The following DST variants were observed in gnomAD, a reference collection of about 807,000 sequenced individuals.
DST encodes dystonin, also known as bullous pemphigoid antigen.
A neutral mutation model predicts 875.2 loss-of-function variants in DST; 253 were observed. That is an observed-to-expected ratio of 0.29 (90% CI 0.26 to 0.32). The LOEUF (loss-of-function observed/expected upper bound fraction) is 0.32. Among genes scored for constraint, DST ranks in the 10% least tolerant of loss-of-function variants. The probability of loss-of-function intolerance (pLI) is 1.00; values close to 1 mark genes in which losing one functional copy is unlikely to be tolerated. For missense variants in DST, 8,287 were observed against 9,111.6 expected, an observed-to-expected ratio of 0.91 and a Z score of 3.68; for synonymous variants, 3,124 against 3,197.1, an observed-to-expected ratio of 0.98 and a Z score of 0.77.
intron 13 of DST, among the ~76,000 whole-genome samples, chr6:56,647,789 G>T (rs566446452): frequency 6.6e-6 from 1 of 151,570 alleles, no homozygotes; most frequent in African/African-American, 2.4e-5. Flanking sequence ...AGGTTCAAGC[G>T]ATTCTCCTGC....
chr6:56,567,156 A>G (rs2097693142), intron 55 of DST, among the ~76,000 whole-genome samples: 2 of 152,248 alleles, frequency 1.3e-5, no homozygotes, highest in Admixed American at 1.3e-4. Flanking sequence ...CTTTTATTAC[A>G]TAACAATCTA....
chr6:56,776,603 C>G (rs923609050), intron 4 of DST, among the ~76,000 whole-genome samples: 2 of 152,034 alleles, frequency 1.3e-5, no homozygotes, highest in African/African-American at 2.4e-5. Context: ...CTATTTAATA[C>G]TATTGTAAAA....
chr6:56,636,442 GTA>G, intron 23 of DST, 113 bp downstream of exon 23: 1 of 756,124 alleles, frequency 1.3e-6, no homozygotes, highest in Non-Finnish European at 2.3e-6. Flanking sequence ...ATATATGTGT[GTA>G]TATATATACA....
At chr6:56,659,112 A>C (rs920436669) in intron 10 of DST, among the ~76,000 whole-genome samples, 3 of 152,236 alleles carry the variant, frequency 2.0e-5, no homozygotes, top group Non-Finnish European at 4.4e-5. Flanking sequence ...TGGACAGAGA[A>C]AAAAATTTAA....
intron 89 of DST, 32 bp downstream of exon 89, chr6:56,482,651 T>C (rs764297195): frequency 5.0e-6 from 8 of 1,592,774 alleles, no homozygotes; most frequent in African/African-American, 4.0e-5. Flanking sequence ...ACTTTTCCCA[T>C]TACACCCAGC....
chr6:56,716,443 T>C (rs1339681521), intron 5 of DST, among the ~76,000 whole-genome samples: 1 of 152,218 alleles, frequency 6.6e-6, no homozygotes, highest in Non-Finnish European at 1.5e-5. Context: ...GATAAAATCA[T>C]GGCAGTAAAT....
chr6:56,748,390 C>T (rs1045140590), intron 4 of DST, among the ~76,000 whole-genome samples: 2 of 152,130 alleles, frequency 1.3e-5, no homozygotes, highest in Middle Eastern at 3.2e-3. Context: ...GCAATTTCAG[C>T]TTGGGAAAAT....
intron 4 of DST, among the ~76,000 whole-genome samples, chr6:56,753,159 G>A (rs764359502): frequency 2.6e-5 from 4 of 152,118 alleles, no homozygotes; most frequent in Non-Finnish European, 4.4e-5. Context: ...GTGATATGGC[G>A]AGTATAAGGT....
chr6:56,788,261 G>A (rs1289785368), intron 4 of DST, among the ~76,000 whole-genome samples: 3 of 149,958 alleles, frequency 2.0e-5, no homozygotes, highest in East Asian at 2.0e-4. Context: ...AGAGTGCAGC[G>A]GCACGATCTC....
intron 49 of DST, among the ~76,000 whole-genome samples, chr6:56,586,735 G>T (rs930049178): frequency 6.6e-6 from 1 of 152,260 alleles, no homozygotes; most frequent in South Asian, 2.1e-4. Context: ...TGATCAGACA[G>T]CAGCATTCGC....
intron 10 of DST, among the ~76,000 whole-genome samples, chr6:56,665,617 T>C (rs1252809947): frequency 1.3e-5 from 2 of 152,090 alleles, no homozygotes; most frequent in Admixed American, 6.6e-5. Context: ...TATGAGTTAC[T>C]CTTTGAGCCT....
chr6:56,571,432 T>C (rs984871231), intron 53 of DST, among the ~76,000 whole-genome samples: 4 of 152,190 alleles, frequency 2.6e-5, no homozygotes, highest in Non-Finnish European at 4.4e-5. Context: ...AGGTAGAGAA[T>C]TCTGAAGAAA....
chr6:56,901,600 T>A (rs1346960892), intron 2 of DST, among the ~76,000 whole-genome samples: 1 of 151,594 alleles, frequency 6.6e-6, no homozygotes, highest in Non-Finnish European at 1.5e-5. Flanking sequence ...ATCTAAAAAA[T>A]AAAATAAAAT....
rs775373653 is a variant in DST, at chr6:56,608,949, T to C, written c.5679A>G (p.Leu1893=). 6.2e-7 allele frequency: 1 copy of C among 1,613,816 alleles called. No homozygotes were observed. The highest frequency in any genetic ancestry group is 1.1e-5 in the South Asian group (1 of 91,080). ...VIPATGEQLT[L]QKAFQQNLVS... ...CCAAGTTCTGTTGGAAAGCCTTCTG[T>C]AGGGTCAACTGTTCTCCTGTGGCTG... The change falls in exon 40 of 104, where the codon CTA becomes CTG. Residue 1893 remains leucine, a synonymous_variant. Transcript: ENST00000680361.
At chr6:56,625,384 C>A (rs2098724084) in intron 34 of DST, 120 bp from the exon 35 acceptor site, 1 of 713,838 alleles carries the variant, frequency 1.4e-6, no homozygotes, top group Non-Finnish European at 2.5e-6. Flanking sequence ...AGTGATTTGA[C>A]ACAGATCATT....
At chr6:56,498,180 ATT>A in intron 80 of DST, 127 bp from the exon 81 acceptor site, 1 of 943,758 alleles carries the variant, frequency 1.1e-6, no homozygotes, top group Non-Finnish European at 1.6e-6. Context: ...TAGAATTTTA[ATT>A]TTTTTTAAAG....
chr6:56,954,253 G>A (rs941296692), intron 1 of DST, among the ~76,000 whole-genome samples, 154 bp downstream of exon 1: 1 of 152,060 alleles, frequency 6.6e-6, no homozygotes, highest in African/African-American at 2.4e-5. Context: ...ACGGCAAAAA[G>A]GGCAAGGGGC....
At chr6:56,462,993 A>G (rs2094411004) in intron 102 of DST, 53 bp downstream of exon 102, 1 of 1,036,200 alleles carries the variant, frequency 9.7e-7, no homozygotes, top group East Asian at 2.4e-5. Flanking sequence ...TTAGTGAGTG[A>G]TAGCTTCAGT....
chr6:56,748,299 C>CA (rs895302600), intron 4 of DST, among the ~76,000 whole-genome samples: 2 of 152,010 alleles, frequency 1.3e-5, no homozygotes, highest in Admixed American at 1.3e-4. Flanking sequence ...ATGGTAAGGA[C>CA]AAAAAACAAG....
Sources: gnomAD v4.1 joint callset for allele counts (sites outside exome capture counted in the v4.1 genomes callset) on GRCh38, gnomAD v4.1.1 for gene constraint, MANE v1.5 for transcripts, NCBI Gene and HGNC (gene_info 2026-07-23, HGNC 2026-07-21) for gene names.